FERMT1: variants seen among roughly 807,000 people sequenced by gnomAD.
FERMT1 encodes the protein fermitin family homolog 1.
FERMT1 carries 60 observed loss-of-function variants against 85.3 expected under a neutral mutation model. The observed-to-expected ratio is 0.70, with a 90% CI of 0.57 to 0.87. FERMT1 has a LOEUF of 0.87. Ranked by LOEUF, FERMT1 falls within the 40% of genes least tolerant of loss-of-function variation. FERMT1 has a pLI of 0.00. For missense variants in FERMT1, 701 were observed against 818.9 expected (o/e 0.86, Z 1.76); for synonymous variants, 275 against 301.1 (o/e 0.91, Z 0.90).
intron 13 of FERMT1, among the ~76,000 whole-genome samples, chr20:6,081,411 G>T (rs1981993262): frequency 6.6e-6 from 1 of 152,174 alleles, no homozygotes; most frequent in South Asian, 2.1e-4. Flanking sequence ...GTGTTGGAAG[G>T]CAAGTGATGC....
intron 2 of FERMT1, among the ~76,000 whole-genome samples, chr20:6,116,459 T>C (rs1983103792): frequency 6.6e-6 from 1 of 152,132 alleles, no homozygotes; most frequent in Admixed American, 6.5e-5. Context: ...TCGGGTGCTG[T>C]AGCTCACACC....
intron 5 of FERMT1, among the ~76,000 whole-genome samples, chr20:6,109,256 G>T: frequency 6.6e-6 from 1 of 152,188 alleles, no homozygotes; most frequent in Non-Finnish European, 1.5e-5. Flanking sequence ...AGAGCTACAA[G>T]GAGGGGGCCG....
chr20:6,105,616 A>G (rs73894406), intron 6 of FERMT1, among the ~76,000 whole-genome samples: 2,407 of 152,350 alleles, frequency 0.016, 55 homozygotes, highest in African/African-American at 0.054. Context: ...ATTACTATAT[A>G]CATTTTCAAA....
At chr20:6,113,887 T>G (rs1983029480) in intron 3 of FERMT1, among the ~76,000 whole-genome samples, 2 of 152,230 alleles carry the variant, frequency 1.3e-5, no homozygotes, top group South Asian at 4.1e-4. Context: ...AGGGTCTTCT[T>G]CTGGGAACTG....
chr20:6,103,477 T>A (rs1245575434), intron 6 of FERMT1, among the ~76,000 whole-genome samples: 1 of 152,194 alleles, frequency 6.6e-6, no homozygotes, highest in Non-Finnish European at 1.5e-5. Context: ...GAACTGTAAT[T>A]CTGATACTGC....
chr20:6,099,830 TAAA>T (rs112369032), intron 6 of FERMT1, among the ~76,000 whole-genome samples: 18 of 120,488 alleles, frequency 1.5e-4, no homozygotes, highest in East Asian at 4.3e-4. Context: ...TCACTGTTTC[TAAA>T]AAAAAAAAAA....
chr20:6,078,034 G>C (rs6085387), intron 14 of FERMT1, among the ~76,000 whole-genome samples: 64,788 of 152,028 alleles, frequency 0.43, 14,385 homozygotes, highest in East Asian at 0.65. Flanking sequence ...GCCACTGCCC[G>C]GAACCCTTTC....
At chr20:6,083,161 C>T (rs978296533) in intron 13 of FERMT1, among the ~76,000 whole-genome samples, 8 of 152,152 alleles carry the variant, frequency 5.3e-5, no homozygotes, top group African/African-American at 1.9e-4. Context: ...CTTTTCTGAA[C>T]TGAAGAATGT....
chr20:6,097,415 A>G, intron 7 of FERMT1, 109 bp downstream of exon 7: 1 of 809,268 alleles, frequency 1.2e-6, no homozygotes. Context: ...CCTTATTTTC[A>G]GATATTTCTT....
rs765239599 is a variant in FERMT1, at chr20:6,084,082, C to T, written c.1676G>A (p.Trp559Ter). The T allele has an allele frequency of 6.2e-7, 1 of 1,614,120 alleles. No homozygotes were observed. The highest frequency in any genetic ancestry group is 1.3e-5 in the African/African-American group (1 of 75,068). Reference protein sequence around the residue: ...VEAKLRFIQAWQSLPEFGLTY... With the variant: ...VEAKLRFIQA ...GAGGCCAAACTCAGGCAGTGACTGCCACGCCTGGATGAACCGCAGCTTGGC... is the reference window on the plus strand; with the variant it reads ...GAGGCCAAACTCAGGCAGTGACTGCTACGCCTGGATGAACCGCAGCTTGGC... The change falls in exon 13 of 15, where the codon TGG becomes TAG. Residue 559 changes from tryptophan to a stop codon, truncating the protein, a stop_gained. Transcript: ENST00000217289. LOFTEE classifies it high-confidence loss of function.
chr20:6,110,645 G>T (rs1982922215), intron 4 of FERMT1, 134 bp from the exon 5 acceptor site: 2 of 753,876 alleles, frequency 2.7e-6, no homozygotes, highest in South Asian at 1.6e-5. Context: ...TATAAGTCAA[G>T]CTGGGCACTG....
At chr20:6,122,277 A>G (rs566735776) in intron 1 of FERMT1, among the ~76,000 whole-genome samples, 3 of 152,238 alleles carry the variant, frequency 2.0e-5, no homozygotes, top group Non-Finnish European at 2.9e-5. Flanking sequence ...TGTCAAGGAT[A>G]GCAGCAAACT....
intron 3 of FERMT1, 36 bp downstream of exon 3, chr20:6,115,775 G>T (rs370113547): frequency 4.7e-6 from 7 of 1,479,592 alleles, no homozygotes; most frequent in Non-Finnish European, 6.6e-6. Flanking sequence ...CTTTGCAAGA[G>T]TCTACAGGGC....
intron 14 of FERMT1, among the ~76,000 whole-genome samples, chr20:6,077,582 A>C (rs761118888): frequency 1.6e-4 from 24 of 152,100 alleles, no homozygotes; most frequent in Non-Finnish European, 2.6e-4. Context: ...AAAAACTCCC[A>C]ACACATTTTC....
intron 9 of FERMT1, among the ~76,000 whole-genome samples, chr20:6,093,673 C>G (rs1982425294): frequency 6.6e-6 from 1 of 152,180 alleles, no homozygotes; most frequent in Non-Finnish European, 1.5e-5. Context: ...ATGAATGACC[C>G]TGACCGGGCG....
rs530820178 is a variant in FERMT1, at chr20:6,097,354, T to A, written c.957+170A>T. 2.0e-5 allele frequency among the ~76,000 whole-genome samples: 3 copies of A among 152,332 alleles called. No homozygotes were observed. In the South Asian group the frequency reaches 6.2e-4, roughly 32 times the overall value. On this transcript the variant is annotated intron_variant, in intron 7 of 14. Coordinates refer to ENST00000217289, the MANE Select transcript of FERMT1 (RefSeq NM_017671.5). Reference sequence around the variant, plus strand: ...AGGAGCATTTTAAATTAAAAATTTGTTCTGGTCTGAAGAAGAAAGCAAAAT... The same window carrying A: ...AGGAGCATTTTAAATTAAAAATTTGATCTGGTCTGAAGAAGAAAGCAAAAT...
At chr20:6,094,070 T>A (rs1285790188) in intron 9 of FERMT1, 2 of 152,158 alleles carry the variant, frequency 1.3e-5, no homozygotes, top group African/African-American at 4.8e-5. Flanking sequence ...ACAAATATTG[T>A]TACCTTTGGA....
chr20:6,091,738 A>AAG (rs1982374986), intron 9 of FERMT1, among the ~76,000 whole-genome samples: 1 of 152,106 alleles, frequency 6.6e-6, no homozygotes, highest in Non-Finnish European at 1.5e-5. Flanking sequence ...AAGAGATCTC[A>AAG]AGTTCCTCCT....
chr20:6,084,725 G>C (rs1381399430), intron 12 of FERMT1, among the ~76,000 whole-genome samples: 1 of 142,538 alleles, frequency 7.0e-6, no homozygotes, highest in Non-Finnish European at 1.5e-5. Flanking sequence ...ACACAGTCTT[G>C]CTTTGTTGCC....
Sources: gnomAD v4.1 joint callset for allele counts (sites outside exome capture counted in the v4.1 genomes callset) on GRCh38, gnomAD v4.1.1 for gene constraint, MANE v1.5 for transcripts, NCBI Gene and HGNC (gene_info 2026-07-23, HGNC 2026-07-21) for gene names.